Variants in STON2 observed in about 807,000 individuals in gnomAD.
STON2 encodes stonin 2.
A neutral mutation model predicts 65.7 loss-of-function variants in STON2; 29 were observed. The observed-to-expected ratio is 0.44, with a 90% CI of 0.33 to 0.60. The LOEUF is 0.60. Among genes scored for constraint, STON2 ranks in the 20% least tolerant of loss-of-function variants. STON2 has a pLI of 0.03. For missense variants in STON2, 1,054 were observed against 1,118.1 expected (o/e 0.94, Z 0.82); for synonymous variants, 404 against 414.2 (o/e 0.98, Z 0.30).
intron 4 of STON2, among the ~76,000 whole-genome samples, chr14:81,359,716 T>C (rs1248249164): frequency 6.6e-6 from 1 of 152,090 alleles, no homozygotes; most frequent in African/African-American, 2.4e-5. Flanking sequence ...ATACAAAGGA[T>C]ATTAAAAGAA....
At chr14:81,411,409 T>TA (rs1349228876) in intron 2 of STON2, among the ~76,000 whole-genome samples, 3 of 152,304 alleles carry the variant, frequency 2.0e-5, no homozygotes, top group African/African-American at 7.2e-5. Flanking sequence ...ATGTTCAGGG[T>TA]ACAAAAGTAA....
Position 81,261,598 on chromosome 14 carries a change from C to T in STON2, c.*6816G>A, listed in dbSNP as rs964440067. On this transcript the variant is annotated 3_prime_UTR_variant, in exon 8 of 8. Transcript: ENST00000614646. Reference sequence around the variant, plus strand: ...GGTTTTGCCATAACTTACAAATAGTCCCAGGATGTTTACTGAGTGTCCTCC... The same window carrying T: ...GGTTTTGCCATAACTTACAAATAGTTCCAGGATGTTTACTGAGTGTCCTCC... 5.7e-6 allele frequency: 3 copies of T among 529,452 alleles called. No individual in the cohort carries two copies. The highest frequency in any genetic ancestry group is 2.0e-5 in the African/African-American group (1 of 51,214). The allele number at this position is 529,452 out of a possible 1,614,324, so 32.8% of individuals were successfully genotyped here.
intron 4 of STON2, among the ~76,000 whole-genome samples, chr14:81,338,573 T>C (rs1345803730): frequency 6.6e-6 from 1 of 152,172 alleles, no homozygotes; most frequent in Admixed American, 6.5e-5. Flanking sequence ...GTCATGAGAA[T>C]CCCAGATTTA....
chr14:81,317,087 G>C (rs1163493728), intron 5 of STON2, among the ~76,000 whole-genome samples: 2 of 152,190 alleles, frequency 1.3e-5, no homozygotes, highest in Non-Finnish European at 2.9e-5. Flanking sequence ...AAGAAGCATG[G>C]CAGCAGCATC....
chr14:81,350,273 T>C (rs1897974078), intron 4 of STON2, among the ~76,000 whole-genome samples: 1 of 152,132 alleles, frequency 6.6e-6, no homozygotes, highest in Non-Finnish European at 1.5e-5. Context: ...CCTAACTTGA[T>C]TATTATACAC....
intron 5 of STON2, among the ~76,000 whole-genome samples, chr14:81,317,707 CAT>C (rs1896676646): frequency 6.6e-6 from 1 of 152,188 alleles, no homozygotes; most frequent in Non-Finnish European, 1.5e-5. Context: ...GATGGAAACT[CAT>C]ATCTTTTCAC....
At chr14:81,328,984 TAC>T (rs1897103286) in intron 4 of STON2, among the ~76,000 whole-genome samples, 1 of 152,158 alleles carries the variant, frequency 6.6e-6, no homozygotes, top group Non-Finnish European at 1.5e-5. Flanking sequence ...CTTTATAAAT[TAC>T]AGTCTCAGGT....
chr14:81,408,404 A>C (rs375493534), intron 2 of STON2, among the ~76,000 whole-genome samples: 2 of 152,204 alleles, frequency 1.3e-5, no homozygotes, highest in African/African-American at 4.8e-5. Flanking sequence ...AGTCCAAAAG[A>C]AACAAATGTC....
intron 4 of STON2, among the ~76,000 whole-genome samples, chr14:81,354,920 A>G (rs764041046): frequency 1.1e-4 from 16 of 152,012 alleles, no homozygotes; most frequent in Non-Finnish European, 1.5e-4. Context: ...GGAAGGCTGA[A>G]GCAGAATTGC....
chr14:81,397,440 T>A (rs1900380961), intron 2 of STON2, among the ~76,000 whole-genome samples: 1 of 152,202 alleles, frequency 6.6e-6, no homozygotes, highest in African/African-American at 2.4e-5. Flanking sequence ...TTAATTTTTT[T>A]AAACTAGGTC....
intron 4 of STON2, 143 bp downstream of exon 4, chr14:81,370,845 T>A (rs1273445435): frequency 1.4e-6 from 1 of 718,012 alleles, no homozygotes; most frequent in Admixed American, 2.8e-5. Context: ...CCACTTTGGG[T>A]TCTAGCTTTT....
At chr14:81,283,041 T>A (rs1369671992) in intron 5 of STON2, among the ~76,000 whole-genome samples, 1 of 152,222 alleles carries the variant, frequency 6.6e-6, no homozygotes, top group Non-Finnish European at 1.5e-5. Context: ...ACCTCCAAAT[T>A]GTTTTTATTA....
At position 81,341,382 on chromosome 14, in the gene STON2, C is replaced by T. The variant is rs138420210; in HGVS notation, c.572-17195G>A. On this transcript the variant is annotated intron_variant, in intron 4 of 7. Coordinates refer to ENST00000614646, the MANE Select transcript of STON2 (RefSeq NM_001394390.1). The stretch of plus-strand genomic sequence containing the variant: ...ATTGTAAATTCACAGATAAGGGACA[C>T]ATTTTGCAAAATAAAAATAAGATCA... 2.0e-3 allele frequency among the ~76,000 whole-genome samples: 305 copies of T among 150,186 alleles called. 1 individual carries two copies. The highest frequency in any genetic ancestry group is 3.4e-3 in the Non-Finnish European group (229 of 67,800).
chr14:81,270,127 A>G (rs1894513570), intron 7 of STON2: 2 of 818,990 alleles, frequency 2.4e-6, no homozygotes, highest in Non-Finnish European at 3.0e-6. Context: ...TCGCTCTGTC[A>G]CTCAGGCTGG....
intron 1 of STON2, among the ~76,000 whole-genome samples, chr14:81,399,489 A>G (rs1383726486): frequency 1.3e-5 from 2 of 152,226 alleles, no homozygotes; most frequent in Admixed American, 1.3e-4. Context: ...ATTGCTGCAC[A>G]ATGAAAAGTT....
intron 2 of STON2, 126 bp downstream of exon 2, chr14:81,398,169 A>G (rs537628109): frequency 3.0e-5 from 19 of 633,020 alleles, no homozygotes; most frequent in Non-Finnish European, 4.9e-5. Context: ...TCAAGAAAGA[A>G]AGTGAGAAAC....
At chr14:81,322,046 G>A (rs1380403442) in intron 5 of STON2, among the ~76,000 whole-genome samples, 1 of 152,178 alleles carries the variant, frequency 6.6e-6, no homozygotes, top group Non-Finnish European at 1.5e-5. Context: ...TGGACCGTCC[G>A]TCTACATAAG....
chr14:81,276,895 ACCC>A lies in STON2; in HGVS notation c.2581+3_2581+5del. 1 of 1,605,342 alleles carries A rather than the reference ACCC, an allele frequency of 6.2e-7. No individual in the cohort carries two copies. The highest frequency in any genetic ancestry group is 1.7e-5 in the Admixed American group (1 of 59,644). On this transcript the variant is annotated splice_donor_5th_base_variant and intron_variant, in intron 6 of 7. Transcript: ENST00000614646. ...TTGTTTTCACAGAAGAGGAACCACC[ACCC>A]ACCTGAGTTTTTGTCCGGCAGTCGG...
At chr14:81,364,623 T>C (rs901768018) in intron 4 of STON2, among the ~76,000 whole-genome samples, 4 of 152,208 alleles carry the variant, frequency 2.6e-5, no homozygotes, top group Admixed American at 2.6e-4. Flanking sequence ...TACATATACA[T>C]ATACATGTAT....
Sources: allele counts gnomAD v4.1 joint callset (sites outside exome capture counted in the v4.1 genomes callset), GRCh38; gene constraint gnomAD v4.1.1; transcripts MANE v1.5; gene names NCBI Gene and HGNC (gene_info 2026-07-23, HGNC 2026-07-21).